Variants in ABCA13 observed in about 807,000 individuals in gnomAD.
ABCA13 encodes ATP binding cassette subfamily A member 13.
In ABCA13, 476 loss-of-function variants were observed where a neutral mutation model predicts 478.7. The ratio of observed to expected loss-of-function variants is 0.99; its 90% CI spans 0.92 to 1.07. The LOEUF (loss-of-function observed/expected upper bound fraction) is 1.07. Ranked by LOEUF, ABCA13 falls within the 50% of genes least tolerant of loss-of-function variation. The probability of loss-of-function intolerance (pLI) is 0.00; values close to 1 mark genes in which losing one functional copy is unlikely to be tolerated. For synonymous variants in ABCA13, 2,252 were observed against 2,158.9 expected (o/e 1.04, Z -1.20); for missense variants, 6,060 against 5,910.6 (o/e 1.03, Z -0.83).
chr7:48,413,175 C>T (rs1332034700), intron 41 of ABCA13, among the ~76,000 whole-genome samples: 2 of 152,096 alleles, frequency 1.3e-5, no homozygotes, highest in Non-Finnish European at 2.9e-5. Context: ...GGTGTTTAAA[C>T]AGTTGTCAGT....
At chr7:48,576,026 T>C (rs890935431) in intron 55 of ABCA13, among the ~76,000 whole-genome samples, 4 of 152,178 alleles carry the variant, frequency 2.6e-5, no homozygotes, top group African/African-American at 9.6e-5. Flanking sequence ...AAATACAGCA[T>C]AACCACCGTT....
intron 55 of ABCA13, among the ~76,000 whole-genome samples, chr7:48,577,693 A>G (rs2131351009): frequency 1.3e-5 from 2 of 151,602 alleles, no homozygotes; most frequent in Middle Eastern, 6.8e-3. Context: ...CTTTTAGAAA[A>G]TAGATACAGA....
intron 42 of ABCA13, 75 bp downstream of exon 42, chr7:48,427,946 A>G (rs1821657551): frequency 9.5e-7 from 1 of 1,049,836 alleles, no homozygotes; most frequent in African/African-American, 1.6e-5. Flanking sequence ...CCCTTGTTTT[A>G]AAAGTTGTAT....
At chr7:48,619,516 A>G (rs1179592099) in intron 59 of ABCA13, among the ~76,000 whole-genome samples, 3 of 152,204 alleles carry the variant, frequency 2.0e-5, no homozygotes, top group Non-Finnish European at 4.4e-5. Flanking sequence ...ACAAATGTTT[A>G]TTGAAACCCA....
intron 55 of ABCA13, among the ~76,000 whole-genome samples, chr7:48,571,476 T>C (rs887870936): frequency 1.3e-5 from 2 of 151,402 alleles, no homozygotes; most frequent in South Asian, 4.2e-4. Context: ...TGTAGAATTC[T>C]AGGCTAGCTT....
At chr7:48,634,111 TAAAC>T (rs1794435947) in intron 59 of ABCA13, among the ~76,000 whole-genome samples, 1 of 152,220 alleles carries the variant, frequency 6.6e-6, no homozygotes, top group Non-Finnish European at 1.5e-5. Flanking sequence ...TTTTGAATGA[TAAAC>T]AAACTGCATT....
rs764155413 is a variant in ABCA13, at chr7:48,275,737, C to G, written c.6071C>G (p.Ser2024Cys). ...GAAAAAAGTACGCATAATCTACTCT[C>G]TTTATTCATGATGCTCCAGAATGCA... ...SLEKSTHNLL[S>C]LFMMLQNANV... Residue 2024 changes from serine (S) to cysteine (C), a missense_variant, in exon 17 of 62, where the codon TCT becomes TGT. By Grantham distance (112) the Ser-to-Cys change is moderately radical. Transcript: ENST00000435803. 5 of 1,607,020 alleles carry G rather than the reference C, an allele frequency of 3.1e-6. No homozygotes were observed. In the Admixed American group the frequency reaches 5.1e-5, roughly 16 times the overall value.
rs576649678 is a variant in ABCA13, at chr7:48,198,298, T to C, written c.225T>C (p.Leu75=). 1 of 1,613,842 alleles carries C rather than the reference T, an allele frequency of 6.2e-7. No individual in the cohort carries two copies. The highest frequency in any genetic ancestry group is 2.2e-5 in the East Asian group (1 of 44,872). ...CGVIPFVQSL[L]CNTGSRCRNF... ...TTATCCCCTTTGTTCAAAGCCTTCT[T>C]TGTAACACTGGATCAAGGTGTAGGA... The change falls in exon 3 of 62, where the codon CTT becomes CTC. Residue 75 remains leucine (L), a synonymous_variant. Transcript: ENST00000435803.
rs537518518 is a variant in ABCA13 at position 48,321,334 on chromosome 7, C to T, written c.9999+4038C>T. Among the ~76,000 whole-genome samples the T allele has an allele frequency of 1.3e-3, 204 of 152,208 alleles. 2 individuals are homozygous for T. The highest frequency in any genetic ancestry group is 4.4e-3 in the African/African-American group (183 of 41,542). ...GCATAAAGGGGTATATAATGCCAGA[C>T]GGGAGCGGGTGGGAGCCCCTGGGAA... On this transcript the variant is annotated intron_variant, in intron 27 of 61. Coordinates refer to ENST00000435803, the MANE Select transcript of ABCA13 (RefSeq NM_152701.5).
intron 19 of ABCA13, among the ~76,000 whole-genome samples, chr7:48,287,098 C>T (rs1288158923): frequency 2.6e-5 from 4 of 151,880 alleles, no homozygotes; most frequent in Non-Finnish European, 4.4e-5. Flanking sequence ...CTTTGCTCAG[C>T]CTGGGAAAGG....
In ABCA13 at chr7:48,350,708, T is replaced by A; in HGVS notation, c.10270T>A (p.Leu3424Met). Reference sequence around the variant, plus strand: ...ACGCTTCCGTTTCTTGGGCAGCATCTTGGTCAATCTCTCTTCCTGCGTGGC... The same window carrying A: ...ACGCTTCCGTTTCTTGGGCAGCATCATGGTCAATCTCTCTTCCTGCGTGGC... ...AGRFRFLGSI[L>M]VNLSSCVALN... Residue 3424 changes from leucine (L) to methionine (M), a missense_variant, in exon 30 of 62, where the codon TTG becomes ATG. Leu to Met is a conservative substitution (Grantham distance 15). This residue lies in a region of ABCA13 where 4,423 missense variants were observed against 4,309.1 expected (regional missense o/e 1.03). Coordinates refer to ENST00000435803, the MANE Select transcript of ABCA13 (RefSeq NM_152701.5). 1 of 1,614,012 alleles carries A rather than the reference T, an allele frequency of 6.2e-7. No homozygotes were observed. Among genetic ancestry groups the A allele is most frequent in the Non-Finnish European group, 8.5e-7 (1 of 1,179,870 alleles).
At chr7:48,403,519 A>G (rs10236551) in intron 38 of ABCA13, among the ~76,000 whole-genome samples, 164 bp from the exon 39 acceptor site, 31,529 of 152,224 alleles carry the variant, frequency 0.21, 3,426 homozygotes, top group Admixed American at 0.27. Context: ...AAGAAAGTCA[A>G]TGCTGCTCTG....
rs758310369 is a variant in ABCA13 at position 48,278,086 on chromosome 7, A to ATT, written c.6900-6_6900-5dup. The ATT allele has an allele frequency of 2.5e-4, 266 of 1,053,998 alleles. 1 individual carries two copies. The highest frequency in any genetic ancestry group is 8.8e-4 in the Middle Eastern group (3 of 3,408). The allele number at this position is 1,053,998 out of a possible 1,614,324, so 65.3% of individuals were successfully genotyped here. ...AAATTAAAAGTATATATATATATATATTTACAGTTTTGTCCCAAAAGATAA... is the reference window on the plus strand; with the variant it reads ...AAATTAAAAGTATATATATATATATATTTTTACAGTTTTGTCCCAAAAGATAA... On this transcript the variant is annotated splice_polypyrimidine_tract_variant and splice_region_variant and intron_variant, in intron 17 of 61. Transcript: ENST00000435803.
chr7:48,422,112 G>GGA (rs5884044), intron 41 of ABCA13, among the ~76,000 whole-genome samples: 56,262 of 149,052 alleles, frequency 0.38, 11,349 homozygotes, highest in African/African-American at 0.51. Context: ...AAGAAAGAGG[G>GGA]AGGAAGGAAG....
intron 20 of ABCA13, among the ~76,000 whole-genome samples, chr7:48,294,885 C>A (rs956691630): frequency 6.6e-6 from 1 of 152,182 alleles, no homozygotes; most frequent in Non-Finnish European, 1.5e-5. Flanking sequence ...GCATAATTTC[C>A]TTCTTTTTAC....
chr7:48,481,340 T>C (rs913299485), intron 46 of ABCA13, among the ~76,000 whole-genome samples, 186 bp downstream of exon 46: 2 of 152,240 alleles, frequency 1.3e-5, no homozygotes, highest in Non-Finnish European at 2.9e-5. Context: ...GACAAATAGT[T>C]TTGTCATCTG....
chr7:48,469,861 A>C (rs1827286708), intron 44 of ABCA13, among the ~76,000 whole-genome samples: 1 of 151,528 alleles, frequency 6.6e-6, no homozygotes, highest in Non-Finnish European at 1.5e-5. Context: ...CGGAGGTTGT[A>C]GTGAGCCGAG....
At chr7:48,451,315 C>G (rs1825005174) in intron 42 of ABCA13, among the ~76,000 whole-genome samples, 1 of 151,906 alleles carries the variant, frequency 6.6e-6, no homozygotes, top group Admixed American at 6.6e-5. Context: ...TATAAATCAC[C>G]TGGTTTATGT....
chr7:48,633,937 T>TAGATACATAGATAGAC (rs1794406765), intron 59 of ABCA13, among the ~76,000 whole-genome samples: 1 of 76,752 alleles, frequency 1.3e-5, no homozygotes, highest in East Asian at 3.9e-4. Context: ...GATACATAGA[T>TAGATACATAGATAGAC]AGATAGATAG....
Sources: allele counts gnomAD v4.1 joint callset (sites outside exome capture counted in the v4.1 genomes callset), GRCh38; gene constraint gnomAD v4.1.1; regional missense constraint gnomAD v4.1.1; transcripts MANE v1.5; gene names NCBI Gene and HGNC (gene_info 2026-07-23, HGNC 2026-07-21).